CTNNA2: variants seen among roughly 807,000 people sequenced by gnomAD.
CTNNA2 encodes the protein catenin alpha 2.
Under a neutral mutation model 101.0 loss-of-function variants are expected in CTNNA2, and 42 were observed. That is an observed-to-expected ratio of 0.42 (90% CI 0.32 to 0.54). The LOEUF (loss-of-function observed/expected upper bound fraction) is 0.54, where lower values mean the gene tolerates loss of function less well. Among genes scored for constraint, CTNNA2 ranks in the 20% least tolerant of loss-of-function variants. The pLI, the probability that CTNNA2 is intolerant of heterozygous loss-of-function variation, is 0.14. For missense variants in CTNNA2, 871 were observed against 1,223.1 expected, an observed-to-expected ratio of 0.71 and a Z score of 4.29; for synonymous variants, 450 against 456.4, an observed-to-expected ratio of 0.99 and a Z score of 0.18.
chr2:79,430,882 A>T (rs1678652792), intron 4 of CTNNA2, among the ~76,000 whole-genome samples: 1 of 152,100 alleles, frequency 6.6e-6, no homozygotes, highest in Non-Finnish European at 1.5e-5. Flanking sequence ...TATATTGTGT[A>T]CACTATTTTA....
At chr2:79,768,958 C>T (rs1673372822) in intron 3 of CTNNA2, among the ~76,000 whole-genome samples, 1 of 152,092 alleles carries the variant, frequency 6.6e-6, no homozygotes, top group Non-Finnish European at 1.5e-5. Flanking sequence ...GGGTTCACGC[C>T]ATTCTCCTGC....
At chr2:79,748,381 G>T (rs1351536593) in intron 3 of CTNNA2, among the ~76,000 whole-genome samples, 1 of 152,104 alleles carries the variant, frequency 6.6e-6, no homozygotes, top group Non-Finnish European at 1.5e-5. Flanking sequence ...CAGAAATTAT[G>T]GACACACTGA....
At chr2:79,636,269 C>CA (rs57739991) in intron 1 of CTNNA2, among the ~76,000 whole-genome samples, 1,800 of 67,104 alleles carry the variant, frequency 0.027, 114 homozygotes, top group Middle Eastern at 0.052. Flanking sequence ...GACTCTGTCT[C>CA]AAAAAAAAAA....
intron 9 of CTNNA2, among the ~76,000 whole-genome samples, chr2:80,471,290 C>T (rs1292339195): frequency 1.3e-5 from 2 of 152,162 alleles, no homozygotes; most frequent in Non-Finnish European, 2.9e-5. Flanking sequence ...GGTGCTTCCA[C>T]GATAAGATAT....
intron 2 of CTNNA2, among the ~76,000 whole-genome samples, chr2:79,663,792 A>G (rs6712395): frequency 6.6e-6 from 1 of 151,984 alleles, no homozygotes; most frequent in African/African-American, 2.4e-5. Flanking sequence ...TGTAGATAGA[A>G]ATGATGCTAG....
intron 2 of CTNNA2, among the ~76,000 whole-genome samples, chr2:79,234,316 A>T (rs1267033361): frequency 6.6e-6 from 1 of 151,994 alleles, no homozygotes; most frequent in African/African-American, 2.4e-5. Flanking sequence ...GTGAGGTATG[A>T]TAGTCTTGGT....
intron 3 of CTNNA2, among the ~76,000 whole-genome samples, chr2:79,813,054 GAC>G (rs1363471718): frequency 1.3e-5 from 2 of 152,154 alleles, no homozygotes; most frequent in African/African-American, 4.8e-5. Context: ...TGACTGCAGT[GAC>G]AGTTTTCCCA....
rs552064936 is a variant in CTNNA2 at position 80,053,238 on chromosome 2, A to G, written c.1056+143441A>G. On this transcript the variant is annotated intron_variant, in intron 7 of 18. Coordinates refer to ENST00000402739, the MANE Select transcript of CTNNA2 (RefSeq NM_001282597.3). Reference sequence around the variant, plus strand: ...TTTGTGTAAGTGTCCATTTGTCCTTAGTTCCAGCCAACATTTCCAGGGGAG... The same window carrying G: ...TTTGTGTAAGTGTCCATTTGTCCTTGGTTCCAGCCAACATTTCCAGGGGAG... Among the ~76,000 whole-genome samples the G allele has an allele frequency of 1.3e-3, 205 of 152,244 alleles. 1 individual carries two copies. The highest frequency in any genetic ancestry group is 2.6e-3 in the Non-Finnish European group (175 of 68,028).
intron 9 of CTNNA2, among the ~76,000 whole-genome samples, chr2:80,536,522 G>T (rs374732652): frequency 6.6e-6 from 1 of 152,130 alleles, no homozygotes; most frequent in Non-Finnish European, 1.5e-5. Flanking sequence ...AAATGATTCA[G>T]TGTTTGGGAG....
At chr2:80,432,138 A>G (rs1681593105) in intron 9 of CTNNA2, among the ~76,000 whole-genome samples, 1 of 152,012 alleles carries the variant, frequency 6.6e-6, no homozygotes, top group Non-Finnish European at 1.5e-5. Flanking sequence ...TCTAGAGTGT[A>G]TTTTTTGCTT....
At chr2:80,399,032 C>T (rs1373595995) in intron 8 of CTNNA2, among the ~76,000 whole-genome samples, 2 of 151,000 alleles carry the variant, frequency 1.3e-5, no homozygotes, top group Non-Finnish European at 2.9e-5. Flanking sequence ...CCTCAGGATC[C>T]CAAGTAGCTG....
intron 7 of CTNNA2, among the ~76,000 whole-genome samples, chr2:80,040,631 C>G (rs1695980709): frequency 6.6e-6 from 1 of 152,150 alleles, no homozygotes; most frequent in South Asian, 2.1e-4. Flanking sequence ...AAACTGATGG[C>G]ATAATACTGC....
At chr2:79,809,202 G>C (rs984175429) in intron 3 of CTNNA2, among the ~76,000 whole-genome samples, 1 of 152,132 alleles carries the variant, frequency 6.6e-6, no homozygotes, top group Non-Finnish European at 1.5e-5. Context: ...ATGGGCGTTT[G>C]GGTTGGTTCC....
chr2:80,293,950 C>A (rs1229782306), intron 7 of CTNNA2, among the ~76,000 whole-genome samples: 1 of 145,354 alleles, frequency 6.9e-6, no homozygotes, highest in Non-Finnish European at 1.5e-5. Flanking sequence ...TGATGTCAAA[C>A]TTTGTAACTG....
At chr2:80,433,508 T>C (rs1360929164) in intron 9 of CTNNA2, among the ~76,000 whole-genome samples, 1 of 151,984 alleles carries the variant, frequency 6.6e-6, no homozygotes, top group Non-Finnish European at 1.5e-5. Flanking sequence ...ATTCAGGCTG[T>C]CGCCGCAGGG....
chr2:79,763,802 C>T (rs564591867), intron 3 of CTNNA2, among the ~76,000 whole-genome samples: 128 of 152,300 alleles, frequency 8.4e-4, no homozygotes, highest in African/African-American at 3.0e-3. Context: ...CCCTTGGATT[C>T]CACAGCTCAT....
chr2:79,468,806 A>T (rs1456198831), intron 4 of CTNNA2, among the ~76,000 whole-genome samples: 18 of 152,210 alleles, frequency 1.2e-4, no homozygotes, highest in Non-Finnish European at 2.6e-4. Context: ...ATGAAGGCAG[A>T]AATAAAGATG....
At chr2:80,074,422 ACT>A (rs1698549095) in intron 7 of CTNNA2, among the ~76,000 whole-genome samples, 1 of 152,210 alleles carries the variant, frequency 6.6e-6, no homozygotes, top group Admixed American at 6.5e-5. Flanking sequence ...AAGTAAAAAC[ACT>A]GTTTAACATC....
At chr2:79,836,952 A>G (rs547505300) in intron 3 of CTNNA2, among the ~76,000 whole-genome samples, 4 of 152,244 alleles carry the variant, frequency 2.6e-5, no homozygotes, top group Non-Finnish European at 5.9e-5. Context: ...CTAATTCAAC[A>G]TGACCTCATC....
Sources: allele counts gnomAD v4.1 joint callset (sites outside exome capture counted in the v4.1 genomes callset), GRCh38; gene constraint gnomAD v4.1.1; transcripts MANE v1.5; gene names NCBI Gene and HGNC (gene_info 2026-07-23, HGNC 2026-07-21).